ZNF578: variants seen among roughly 807,000 people sequenced by gnomAD.
ZNF578 encodes Putative chemokine-related protein B42.
A neutral mutation model predicts 8.3 loss-of-function variants in ZNF578; 8 were observed. The observed-to-expected ratio is 0.96, with a 90% CI of 0.56 to 1.74. The LOEUF (loss-of-function observed/expected upper bound fraction) is 1.74, where lower values mean the gene tolerates loss of function less well. ZNF578 is among the 40% of genes most tolerant of loss of function. The pLI is 0.00. For missense variants in ZNF578, 726 were observed against 707.5 expected (o/e 1.03, Z -0.30); for synonymous variants, 206 against 232.2 (o/e 0.89, Z 1.03).
At chr19:52,489,959 C>G (rs1784611141) in intron 2 of ZNF578, among the ~76,000 whole-genome samples, 1 of 152,118 alleles carries the variant, frequency 6.6e-6, no homozygotes, top group Non-Finnish European at 1.5e-5. Context: ...CCCAGCCACC[C>G]ATGACCAAAT....
At chr19:52,486,952 C>A (rs2059347911) in intron 2 of ZNF578, among the ~76,000 whole-genome samples, 2 of 151,330 alleles carry the variant, frequency 1.3e-5, no homozygotes, top group African/African-American at 4.9e-5. Context: ...AGAGCAGAAT[C>A]CCAGGAAGAA....
rs2059278763 is a variant in ZNF578, at chr19:52,467,416, A to G, written c.-122+10458A>G. On this transcript the variant is annotated intron_variant, in intron 2 of 5. Transcript: ENST00000421239. ...ACTGCACTCCAGCCTGGGCAACAAGAGCAAAGCACTATCTCAAAAAAAATA... is the reference window on the plus strand; with the variant it reads ...ACTGCACTCCAGCCTGGGCAACAAGGGCAAAGCACTATCTCAAAAAAAATA... Among the ~76,000 whole-genome samples the G allele has an allele frequency of 2.0e-5, 3 of 152,206 alleles. No homozygotes were observed. In the South Asian group the frequency reaches 6.2e-4, roughly 32 times the overall value.
intron 2 of ZNF578, among the ~76,000 whole-genome samples, chr19:52,484,614 C>T (rs7253045): frequency 0.54 from 82,398 of 151,538 alleles, 22,534 homozygotes; most frequent in African/African-American, 0.6. Flanking sequence ...TCCAGATGGC[C>T]GGTTCCTGCC....
In ZNF578 at chr19:52,505,193, G is replaced by A. The variant is rs1419014527; in HGVS notation, c.190+412G>A. On this transcript the variant is annotated intron_variant, in intron 5 of 5. Coordinates refer to ENST00000421239, the MANE Select transcript of ZNF578 (RefSeq NM_001099694.2). The stretch of plus-strand genomic sequence containing the variant: ...TGAGCCACCATGCCCAGCTCATTCT[G>A]GTTTTTGAGGAGCATCACAGAAGCG... 5.3e-5 allele frequency among the ~76,000 whole-genome samples: 8 copies of A among 150,614 alleles called. No homozygotes were observed. The South Asian group carries it at 1.5e-3, about 28-fold the overall frequency.
At chr19:52,474,137 C>T (rs994938515) in intron 2 of ZNF578, 5 of 335,742 alleles carry the variant, frequency 1.5e-5, no homozygotes, top group East Asian at 7.7e-5. Context: ...GACCTTGCCA[C>T]GTTCATGACA....
At chr19:52,508,027 C>A (rs1465889243) in intron 5 of ZNF578, among the ~76,000 whole-genome samples, 1 of 150,584 alleles carries the variant, frequency 6.6e-6, no homozygotes, top group African/African-American at 2.5e-5. Flanking sequence ...CCAGCCTGGG[C>A]AACAACAGTG....
chr19:52,502,962 A>G (rs112571248), intron 4 of ZNF578, among the ~76,000 whole-genome samples: 28,942 of 152,032 alleles, frequency 0.19, 2,955 homozygotes, highest in Non-Finnish European at 0.23. Flanking sequence ...TCAGGATCTC[A>G]GCTCACTGCA....
chr19:52,480,411 G>T (rs1277644096), intron 2 of ZNF578, among the ~76,000 whole-genome samples: 2 of 152,050 alleles, frequency 1.3e-5, no homozygotes, highest in Non-Finnish European at 2.9e-5. Flanking sequence ...GTCCATAAAA[G>T]CTGTTTATCT....
intron 3 of ZNF578, among the ~76,000 whole-genome samples, chr19:52,493,178 C>A (rs549166508): frequency 6.6e-6 from 1 of 152,270 alleles, no homozygotes; most frequent in African/African-American, 2.4e-5. Flanking sequence ...GGTGGATTCC[C>A]GCCCTGGGCG....
chr19:52,513,898 A>G lies in ZNF578; in HGVS notation c.*1744A>G, dbSNP rs2059461553. Among the ~76,000 whole-genome samples, 1 of 152,006 alleles carries G rather than the reference A, an allele frequency of 6.6e-6. No individual in the cohort carries two copies. Among genetic ancestry groups the G allele is most frequent in the African/African-American group, 2.4e-5 (1 of 41,376 alleles). On this transcript the variant is annotated 3_prime_UTR_variant, in exon 6 of 6. Coordinates refer to ENST00000421239, the MANE Select transcript of ZNF578 (RefSeq NM_001099694.2). ...AAGTTAGCCAGGGGTGGGGGTGTGC[A>G]CCTTTAGTTCCAGCTACTTGGGACA... is the stretch of plus-strand genomic sequence containing the variant.
chr19:52,456,253 C>T (rs1056273025), intron 1 of ZNF578: 1 of 152,122 alleles, frequency 6.6e-6, no homozygotes, highest in African/African-American at 2.4e-5. Flanking sequence ...CTGGTGACAA[C>T]AAGGACCCAA....
intron 2 of ZNF578, among the ~76,000 whole-genome samples, chr19:52,478,488 C>T (rs543075877): frequency 3.3e-5 from 5 of 152,156 alleles, no homozygotes; most frequent in Middle Eastern, 3.4e-3. Flanking sequence ...TTGGAGGGGG[C>T]GGTACAGGCC....
At position 52,513,708 on chromosome 19, in the gene ZNF578, C is replaced by T. The variant is rs1446453898; in HGVS notation, c.*1554C>T. 5.9e-5 allele frequency among the ~76,000 whole-genome samples: 8 copies of T among 135,738 alleles called. No individual in the cohort carries two copies. Among genetic ancestry groups the T allele is most frequent in the African/African-American group, 2.0e-4 (7 of 35,536 alleles). The allele number at this position is 135,738 out of a possible 152,430, so 89.0% of individuals were successfully genotyped here. ...TCGTGCCACTGCACTCCAGGCTGGGCGACAGAGTGAGAGTCTGTCTCAAAA... is the reference window on the plus strand; with the variant it reads ...TCGTGCCACTGCACTCCAGGCTGGGTGACAGAGTGAGAGTCTGTCTCAAAA... On this transcript the variant is annotated 3_prime_UTR_variant, in exon 6 of 6. Transcript: ENST00000421239.
intron 3 of ZNF578, among the ~76,000 whole-genome samples, chr19:52,500,027 C>G (rs1375824892): frequency 6.6e-6 from 1 of 152,070 alleles, no homozygotes; most frequent in African/African-American, 2.4e-5. Context: ...TGAGCTGTCC[C>G]TCTCTCTAGG....
At chr19:52,498,102 A>G (rs2059393107) in intron 3 of ZNF578, among the ~76,000 whole-genome samples, 1 of 152,210 alleles carries the variant, frequency 6.6e-6, no homozygotes, top group Non-Finnish European at 1.5e-5. Context: ...TCAGAACCTT[A>G]CAACTCGAAA....
chr19:52,497,678 G>A (rs1049690381), intron 3 of ZNF578, among the ~76,000 whole-genome samples: 11 of 151,998 alleles, frequency 7.2e-5, no homozygotes, highest in South Asian at 2.1e-4. Context: ...ATCATATATC[G>A]AAAACATTTT....
At chr19:52,472,527 A>G (rs2059295164) in intron 2 of ZNF578, among the ~76,000 whole-genome samples, 1 of 152,342 alleles carries the variant, frequency 6.6e-6, no homozygotes, top group Admixed American at 6.5e-5. Context: ...AGCTATTGCT[A>G]TTCAGTTGAG....
chr19:52,486,405 C>T (rs535277263), intron 2 of ZNF578, among the ~76,000 whole-genome samples: 1 of 152,142 alleles, frequency 6.6e-6, no homozygotes, highest in Non-Finnish European at 1.5e-5. Flanking sequence ...GCCCACTGTT[C>T]TTTCTCTATA....
At chr19:52,507,360 C>T (rs1012508679) in intron 5 of ZNF578, among the ~76,000 whole-genome samples, 1 of 152,096 alleles carries the variant, frequency 6.6e-6, no homozygotes, top group Non-Finnish European at 1.5e-5. Context: ...TGCACTCCAG[C>T]CTGTATGACA....
Sources: allele counts gnomAD v4.1 joint callset (sites outside exome capture counted in the v4.1 genomes callset), GRCh38; gene constraint gnomAD v4.1.1; transcripts MANE v1.5; gene names NCBI Gene and HGNC (gene_info 2026-07-23, HGNC 2026-07-21).